USP44: variants seen among roughly 807,000 people sequenced by gnomAD.
The protein encoded by USP44 is ubiquitin carboxyl-terminal hydrolase 44.
A neutral mutation model predicts 69.0 loss-of-function variants in USP44; 61 were observed. The ratio of observed to expected loss-of-function variants is 0.88; its 90% CI spans 0.72 to 1.09. The LOEUF is 1.09. Among genes scored for constraint, USP44 ranks in the 50% least tolerant of loss-of-function variants. The pLI is 0.00. For missense variants in USP44, 753 were observed against 849.9 expected, an observed-to-expected ratio of 0.89 and a Z score of 1.42; for synonymous variants, 297 against 295.4, an observed-to-expected ratio of 1.01 and a Z score of -0.06.
Position 95,533,644 on chromosome 12 carries a change from A to G in USP44, c.613T>C (p.Leu205=). ...QELEYQVKAE[L]ESMPPRKSLR... ...CTCTTTCTTGGAGGCATACTTTCCA[A>G]TTCTGCTTTAACTTGATACTCCAAT... The change falls in exon 2 of 6, where the codon TTG becomes CTG. Residue 205 remains leucine (L), a synonymous_variant. Transcript: ENST00000258499. 1 of 1,613,868 alleles carries G rather than the reference A, an allele frequency of 6.2e-7. No individual in the cohort carries two copies. Among genetic ancestry groups the G allele is most frequent in the East Asian group, 2.2e-5 (1 of 44,880 alleles).
chr12:95,542,994 A>G (rs1265617778), intron 1 of USP44, among the ~76,000 whole-genome samples: 1 of 151,608 alleles, frequency 6.6e-6, no homozygotes, highest in Non-Finnish European at 1.5e-5. Context: ...AGGCTGAGGC[A>G]GGAGAATGGC....
At chr12:95,522,778 CAAAAAAAAAAAAAA>C (rs36010747) in intron 4 of USP44, among the ~76,000 whole-genome samples, 5 of 99,046 alleles carry the variant, frequency 5.0e-5, no homozygotes, top group African/African-American at 1.5e-4. Flanking sequence ...AATTCTGGCT[CAAAAAAAAAAAAAA>C]AAAAAAAAGT....
chr12:95,543,301 TG>T (rs930357139), intron 1 of USP44, among the ~76,000 whole-genome samples: 20 of 147,642 alleles, frequency 1.4e-4, no homozygotes, highest in African/African-American at 5.0e-4. Flanking sequence ...CTCGGGAGGC[TG>T]AGTCAGGAGA....
chr12:95,525,845 G>A (rs1350330553), intron 3 of USP44, among the ~76,000 whole-genome samples: 2 of 152,154 alleles, frequency 1.3e-5, no homozygotes, highest in Admixed American at 6.5e-5. Flanking sequence ...CACCAGCTCC[G>A]ACTCCAGCCA....
intron 3 of USP44, 105 bp downstream of exon 3, chr12:95,528,702 A>C (rs2076928137): frequency 8.1e-7 from 1 of 1,232,490 alleles, no homozygotes; most frequent in African/African-American, 1.5e-5. Flanking sequence ...GAACTGAAAA[A>C]AAGTTCATTT....
Position 95,518,160 on chromosome 12 carries a change from A to G in USP44, c.2133T>C (p.Leu711=). ...AAACCCCATTGTCTTTGGATCAGCT[A>G]AGGATTTCATTAGACGAGGTATCAG... ...EDADTSSNEI[L]S Residue 711 remains leucine, a synonymous_variant, in exon 6 of 6, where the codon CTT becomes CTC. Coordinates refer to ENST00000258499, the MANE Select transcript of USP44 (RefSeq NM_032147.5). 1 of 1,614,164 alleles carries G rather than the reference A, an allele frequency of 6.2e-7. No homozygotes were observed.
At chr12:95,528,434 T>C (rs947297239) in intron 3 of USP44, among the ~76,000 whole-genome samples, 2 of 152,246 alleles carry the variant, frequency 1.3e-5, no homozygotes, top group African/African-American at 4.8e-5. Context: ...CACGCATTTA[T>C]CTACATATCA....
chr12:95,529,538 C>T (rs565903994), intron 2 of USP44, among the ~76,000 whole-genome samples: 2 of 152,152 alleles, frequency 1.3e-5, no homozygotes, highest in South Asian at 4.1e-4. Context: ...ATTCTCCTGC[C>T]TCAGCCTCCT....
At chr12:95,520,750 T>C (rs7974458) in intron 5 of USP44, among the ~76,000 whole-genome samples, 35,053 of 152,104 alleles carry the variant, frequency 0.23, 4,705 homozygotes, top group East Asian at 0.48. Context: ...CTCTGACTTT[T>C]AGTTAGCAAC....
At chr12:95,542,153 T>G (rs1366854259) in intron 1 of USP44, among the ~76,000 whole-genome samples, 1 of 152,152 alleles carries the variant, frequency 6.6e-6, no homozygotes, top group Non-Finnish European at 1.5e-5. Context: ...AATGCTGGGA[T>G]TATAGGCATG....
chr12:95,524,333 C>T (rs1213322127), intron 4 of USP44, among the ~76,000 whole-genome samples: 5 of 151,460 alleles, frequency 3.3e-5, no homozygotes, highest in Admixed American at 6.6e-5. Context: ...CCACCTGCCT[C>T]GGCCTCCCAA....
At chr12:95,534,752 T>C (rs2077145566) in intron 1 of USP44, among the ~76,000 whole-genome samples, 1 of 151,402 alleles carries the variant, frequency 6.6e-6, no homozygotes, top group Admixed American at 6.6e-5. Flanking sequence ...CTCAGCTCAC[T>C]GCAACCCCTG....
At chr12:95,538,550 G>GT (rs1592727795) in intron 1 of USP44, among the ~76,000 whole-genome samples, 1 of 150,712 alleles carries the variant, frequency 6.6e-6, no homozygotes, top group Admixed American at 6.6e-5. Context: ...AAAAGGGGGG[G>GT]GTCTCTCAAA....
At chr12:95,520,890 G>T in intron 5 of USP44, 107 bp downstream of exon 5, 2 of 984,164 alleles carry the variant, frequency 2.0e-6, no homozygotes, top group Non-Finnish European at 3.1e-6. Context: ...AAAATAAGTG[G>T]TCGAGTAGCT....
In USP44 at chr12:95,532,917, G is replaced by A. The variant is rs1307886019; in HGVS notation, c.1340C>T (p.Pro447Leu). 2 of 1,613,976 alleles carry A rather than the reference G, an allele frequency of 1.2e-6. No homozygotes were observed. Among genetic ancestry groups the A allele is most frequent in the Non-Finnish European group, 8.5e-7 (1 of 1,180,008 alleles). Residue 447 changes from proline to leucine, a missense_variant, in exon 2 of 6, where the codon CCA becomes CTA. Physicochemically the swap from Pro to Leu is moderately conservative, Grantham distance 98. Transcript: ENST00000258499. ...RELETTGTSL[P>L]ALIPTSQRKL... ...CCTTTGAGAAGTGGGGATAAGAGCT[G>A]GTAAACTGGTACCAGTTGTCTCTAA...
In USP44 at chr12:95,533,689, CT is replaced by C; in HGVS notation, c.567del (p.Val190Ter). ...PFQEKIVVKR[E>X]VKKRRQELEY... ...TCCAATTCCTGCCGTCTTTTCTTTA[CT>C]TCTCTTTTTACTACTATTTTTTCCT... On this transcript the variant is annotated frameshift_variant, in exon 2 of 6. Transcript: ENST00000258499. LOFTEE classifies it high-confidence loss of function. 6.2e-7 allele frequency: 1 copy of C among 1,613,874 alleles called. No individual in the cohort carries two copies. Among genetic ancestry groups the C allele is most frequent in the Non-Finnish European group, 8.5e-7 (1 of 1,179,996 alleles).
chr12:95,524,034 G>A lies in USP44; in HGVS notation c.1733+646C>T, dbSNP rs896624716. On this transcript the variant is annotated intron_variant, in intron 4 of 5. Coordinates refer to ENST00000258499, the MANE Select transcript of USP44 (RefSeq NM_032147.5). ...TGGAATTACAGGCGTGTGTCACCACGCCTGGCTAATTTTTGTATTTTTATT... is the reference window on the plus strand; with the variant it reads ...TGGAATTACAGGCGTGTGTCACCACACCTGGCTAATTTTTGTATTTTTATT... Among the ~76,000 whole-genome samples, 5 of 151,928 alleles carry A rather than the reference G, an allele frequency of 3.3e-5. No individual in the cohort carries two copies. The East Asian group carries it at 5.8e-4, about 18-fold the overall frequency.
At chr12:95,550,229 T>TAAG (rs2077701640) in intron 1 of USP44, among the ~76,000 whole-genome samples, 1 of 151,228 alleles carries the variant, frequency 6.6e-6, no homozygotes, top group South Asian at 2.1e-4. Flanking sequence ...AGGAAGTTCT[T>TAAG]ATGTTAACAA....
At chr12:95,518,763 A>G (rs1160133475) in intron 5 of USP44, among the ~76,000 whole-genome samples, 2 of 152,088 alleles carry the variant, frequency 1.3e-5, no homozygotes, top group Non-Finnish European at 2.9e-5. Context: ...AACATGGTGA[A>G]ACCTGTCTCT....
Sources: gnomAD v4.1 joint callset for allele counts (sites outside exome capture counted in the v4.1 genomes callset) on GRCh38, gnomAD v4.1.1 for gene constraint, MANE v1.5 for transcripts, NCBI Gene and HGNC (gene_info 2026-07-23, HGNC 2026-07-21) for gene names.